The following ADGRB3 variants were observed in gnomAD, a reference collection of about 807,000 sequenced individuals.
ADGRB3 encodes the protein brain-specific angiogenesis inhibitor 3.
A neutral mutation model predicts 193.4 loss-of-function variants in ADGRB3; 37 were observed. That is an observed-to-expected ratio of 0.19 (90% confidence interval 0.15 to 0.25). The LOEUF is 0.25. ADGRB3 is among the 10% of genes least tolerant of loss of function. The probability of loss-of-function intolerance (pLI) is 1.00; values close to 1 mark genes in which losing one functional copy is unlikely to be tolerated. For missense variants in ADGRB3, 1,637 were observed against 1,852.9 expected (o/e 0.88, Z 2.14); for synonymous variants, 690 against 644.2 (o/e 1.07, Z -1.08).
chr6:68,843,793 C>A (rs940580818), intron 3 of ADGRB3, among the ~76,000 whole-genome samples: 11 of 152,122 alleles, frequency 7.2e-5, no homozygotes, highest in African/African-American at 2.6e-4. Flanking sequence ...CTATAGTAAC[C>A]AAAACAGCAT....
chr6:69,151,075 G>A (rs1655043234), intron 17 of ADGRB3, among the ~76,000 whole-genome samples: 1 of 152,168 alleles, frequency 6.6e-6, no homozygotes, highest in Admixed American at 6.5e-5. Context: ...TAGGTTTGGG[G>A]AAGGGTTGGT....
At chr6:69,222,578 A>C (rs1561957647) in intron 17 of ADGRB3, among the ~76,000 whole-genome samples, 1 of 152,178 alleles carries the variant, frequency 6.6e-6, no homozygotes, top group South Asian at 2.1e-4. Context: ...GATCATATAG[A>C]TCATGTAAAA....
At chr6:68,912,518 C>T (rs1477227972) in intron 3 of ADGRB3, among the ~76,000 whole-genome samples, 2 of 152,042 alleles carry the variant, frequency 1.3e-5, no homozygotes, top group Admixed American at 1.3e-4. Flanking sequence ...TCCCTCCCCG[C>T]TCCCTCCACC....
chr6:68,868,833 C>G (rs1320649395), intron 3 of ADGRB3, among the ~76,000 whole-genome samples: 1 of 151,786 alleles, frequency 6.6e-6, no homozygotes, highest in East Asian at 1.9e-4. Context: ...TACAATAATA[C>G]AAACTCCTGG....
chr6:69,192,655 G>C (rs1196396308), intron 17 of ADGRB3, among the ~76,000 whole-genome samples: 1 of 152,094 alleles, frequency 6.6e-6, no homozygotes, highest in African/African-American at 2.4e-5. Context: ...TTATTTCAAA[G>C]TAGACCAAAC....
chr6:69,352,819 C>A (rs574578375), intron 26 of ADGRB3, among the ~76,000 whole-genome samples: 1 of 152,268 alleles, frequency 6.6e-6, no homozygotes, highest in South Asian at 2.1e-4. Flanking sequence ...TTATGAATAT[C>A]TCACATCAAA....
chr6:68,923,608 A>G (rs1192171143), intron 3 of ADGRB3, among the ~76,000 whole-genome samples: 1 of 152,068 alleles, frequency 6.6e-6, no homozygotes, highest in Non-Finnish European at 1.5e-5. Flanking sequence ...ATTTCAGTAA[A>G]TATGTATACA....
intron 17 of ADGRB3, among the ~76,000 whole-genome samples, chr6:69,097,559 A>G (rs956916732): frequency 7.2e-5 from 11 of 152,212 alleles, no homozygotes; most frequent in African/African-American, 1.2e-4. Context: ...GAATAAGTAA[A>G]TTCCAAAGTC....
intron 17 of ADGRB3, among the ~76,000 whole-genome samples, chr6:69,091,651 T>G (rs1468751515): frequency 1.3e-5 from 2 of 151,714 alleles, no homozygotes; most frequent in Admixed American, 1.3e-4. Context: ...GGCTGGCGGG[T>G]GGGAGGAGGG....
chr6:69,387,980 G>A (rs1770109928), intron 31 of ADGRB3, among the ~76,000 whole-genome samples: 1 of 151,980 alleles, frequency 6.6e-6, no homozygotes, highest in African/African-American at 2.4e-5. Context: ...TGAAAAAATA[G>A]AAATTGAGAG....
At chr6:68,674,154 G>T (rs1415615917) in intron 3 of ADGRB3, among the ~76,000 whole-genome samples, 1 of 152,082 alleles carries the variant, frequency 6.6e-6, no homozygotes, top group Admixed American at 6.6e-5. Context: ...ATCTGAGGCT[G>T]TCTGAGTGGT....
At chr6:69,103,978 C>T (rs1773138747) in intron 17 of ADGRB3, among the ~76,000 whole-genome samples, 2 of 151,970 alleles carry the variant, frequency 1.3e-5, no homozygotes. Flanking sequence ...GAATAATCAT[C>T]TATTCTGAAG....
At chr6:69,080,006 A>T (rs958488594) in intron 17 of ADGRB3, among the ~76,000 whole-genome samples, 2 of 152,096 alleles carry the variant, frequency 1.3e-5, no homozygotes, top group Non-Finnish European at 2.9e-5. Context: ...CTTGACTGAG[A>T]CTGACACTGG....
At chr6:69,328,405 G>T (rs1225223431) in intron 22 of ADGRB3, among the ~76,000 whole-genome samples, 1 of 152,080 alleles carries the variant, frequency 6.6e-6, no homozygotes, top group Non-Finnish European at 1.5e-5. Context: ...GGGAGAAAAG[G>T]TATATGATAT....
chr6:68,696,678 C>G (rs894120934), intron 3 of ADGRB3, among the ~76,000 whole-genome samples: 8 of 151,800 alleles, frequency 5.3e-5, no homozygotes, highest in African/African-American at 1.9e-4. Flanking sequence ...AATTAAATGT[C>G]AGTTTCTAAC....
intron 3 of ADGRB3, among the ~76,000 whole-genome samples, chr6:68,920,325 C>G (rs2150241840): frequency 6.6e-6 from 1 of 152,134 alleles, no homozygotes; most frequent in Non-Finnish European, 1.5e-5. Flanking sequence ...CCACACCATC[C>G]TGGCTAACAT....
chr6:68,782,173 C>A (rs1272382504), intron 3 of ADGRB3, among the ~76,000 whole-genome samples: 1 of 141,558 alleles, frequency 7.1e-6, no homozygotes, highest in Non-Finnish European at 1.5e-5. Flanking sequence ...TTCCTGTGTC[C>A]ATGTGTTCTC....
intron 3 of ADGRB3, among the ~76,000 whole-genome samples, chr6:68,746,520 T>C (rs1766089400): frequency 6.6e-6 from 1 of 152,122 alleles, no homozygotes; most frequent in African/African-American, 2.4e-5. Context: ...ATCCTGTTTC[T>C]CATATCTTAA....
At chr6:68,970,580 A>G (rs950797777) in intron 8 of ADGRB3, among the ~76,000 whole-genome samples, 3 of 152,194 alleles carry the variant, frequency 2.0e-5, no homozygotes, top group African/African-American at 7.2e-5. Context: ...TGCTGGGATT[A>G]CAGGCATGAG....
Sources: gnomAD v4.1 joint callset for allele counts (sites outside exome capture counted in the v4.1 genomes callset) on GRCh38, gnomAD v4.1.1 for gene constraint, MANE v1.5 for transcripts, NCBI Gene and HGNC (gene_info 2026-07-23, HGNC 2026-07-21) for gene names.